Variants in PBK observed in about 807,000 individuals in gnomAD.
The protein encoded by PBK is PDZ binding kinase.
Under a neutral mutation model 33.5 loss-of-function variants are expected in PBK, and 22 were observed. That is an observed-to-expected ratio of 0.66 (90% CI 0.47 to 0.94). The LOEUF (loss-of-function observed/expected upper bound fraction) is 0.94, where lower values mean the gene tolerates loss of function less well. Ranked by LOEUF, PBK falls within the 40% of genes least tolerant of loss-of-function variation. The pLI, the probability that PBK is intolerant of heterozygous loss-of-function variation, is 0.00. For synonymous variants in PBK, 129 were observed against 123.8 expected (o/e 1.04, Z -0.28); for missense variants, 376 against 383.4 (o/e 0.98, Z 0.16).
rs375136320 is a variant in PBK at position 27,835,692 on chromosome 8, T to C, written c.-21+1960A>G. Among the ~76,000 whole-genome samples, 12 of 152,242 alleles carry C rather than the reference T, an allele frequency of 7.9e-5. No homozygotes were observed. In the East Asian group the frequency reaches 1.9e-3, roughly 25 times the overall value. On this transcript the variant is annotated intron_variant, in intron 1 of 7. Coordinates refer to ENST00000301905, the MANE Select transcript of PBK (RefSeq NM_018492.4). ...TCAGCCTCCCAAGTAGCTGGGATTATAGGCATGTGCCACCATGCCCGGCTA... is the reference window on the plus strand; with the variant it reads ...TCAGCCTCCCAAGTAGCTGGGATTACAGGCATGTGCCACCATGCCCGGCTA...
In PBK at chr8:27,816,351, A is replaced by T. The variant is rs548364124; in HGVS notation, c.595+4214T>A. Among the ~76,000 whole-genome samples the T allele has an allele frequency of 3.7e-4, 53 of 141,908 alleles. 3 individuals are homozygous for T. The highest frequency in any genetic ancestry group is 1.4e-3 in the African/African-American group (51 of 37,460). 93.1% of individuals were successfully genotyped at this position (141,908 alleles called of 152,430 possible). ...TGGCTTTTCATCGAATACTATATAT[A>T]TATATATTTATTTATTTATTTATTT... On this transcript the variant is annotated intron_variant, in intron 6 of 7. Transcript: ENST00000301905.
chr8:27,816,137 G>T (rs1805805819), intron 6 of PBK, among the ~76,000 whole-genome samples: 1 of 151,902 alleles, frequency 6.6e-6, no homozygotes, highest in Non-Finnish European at 1.5e-5. Context: ...GGCCACTGCT[G>T]TGTTTATAAT....
In PBK at chr8:27,810,324, G is replaced by T. The variant is rs1805647176; in HGVS notation, c.950C>A (p.Ala317Asp). The T allele has an allele frequency of 6.2e-7, 1 of 1,611,642 alleles. No homozygotes were observed. The highest frequency in any genetic ancestry group is 8.5e-7 in the Non-Finnish European group (1 of 1,177,860). The change falls in exon 8 of 8, where the codon GCT becomes GAT. Residue 317 changes from alanine to aspartate, a missense_variant. Coordinates refer to ENST00000301905, the MANE Select transcript of PBK (RefSeq NM_018492.4). ...DRPSAAHIVE[A>D]LETDV ...TGATCACTAGACATCTGTTTCCAGA[G>T]CTTCAACAATGTGTGCAGCAGAAGG...
chr8:27,831,235 C>T (rs1290584042), intron 2 of PBK, among the ~76,000 whole-genome samples: 2 of 152,018 alleles, frequency 1.3e-5, no homozygotes, highest in Non-Finnish European at 2.9e-5. Flanking sequence ...CGCCTGTAAT[C>T]CCAGCTACTC....
intron 5 of PBK, 29 bp from the exon 6 acceptor site, chr8:27,820,723 G>A (rs748348667): frequency 2.2e-6 from 3 of 1,346,384 alleles, no homozygotes; most frequent in Non-Finnish European, 3.1e-6. Flanking sequence ...TAACACATAT[G>A]TGCAGAAACA....
chr8:27,828,744 C>CAAAAAAAAAAAA (rs34388320), intron 2 of PBK, among the ~76,000 whole-genome samples: 3 of 82,600 alleles, frequency 3.6e-5, no homozygotes, highest in African/African-American at 9.5e-5. Context: ...GACACAGTCT[C>CAAAAAAAAAAAA]AAAAAAAAAA....
chr8:27,832,815 C>T (rs918398848), intron 2 of PBK, among the ~76,000 whole-genome samples: 10 of 152,096 alleles, frequency 6.6e-5, no homozygotes, highest in Admixed American at 3.9e-4. Flanking sequence ...ATGGGTCAAG[C>T]TAAGTTGATT....
chr8:27,809,806 A>G lies in PBK; in HGVS notation c.*499T>C, dbSNP rs1805632985. 6.6e-6 allele frequency: 1 copy of G among 152,550 alleles called. No homozygotes were observed. Among genetic ancestry groups the G allele is most frequent in the South Asian group, 2.1e-4 (1 of 4,854 alleles). The allele number at this position is 152,550 out of a possible 1,614,324, so 9.4% of individuals were successfully genotyped here. A position where few individuals can be genotyped will look rare whatever the true frequency, so the allele number is the denominator to read the frequency against. ...CAAGAGATCAAGACAATCTGTAACC[A>G]GAGTCTGAAGTATCCAAGGAGCTAC... is the stretch of plus-strand genomic sequence containing the variant. On this transcript the variant is annotated 3_prime_UTR_variant, in exon 8 of 8. Coordinates refer to ENST00000301905, the MANE Select transcript of PBK (RefSeq NM_018492.4).
intron 6 of PBK, among the ~76,000 whole-genome samples, chr8:27,815,988 CAA>C (rs563062067): frequency 6.6e-6 from 1 of 152,136 alleles, no homozygotes; most frequent in Non-Finnish European, 1.5e-5. Context: ...TTACTACATT[CAA>C]AGAGTTTAAG....
chr8:27,830,911 C>G (rs967282676), intron 2 of PBK, among the ~76,000 whole-genome samples: 11 of 152,150 alleles, frequency 7.2e-5, no homozygotes. Flanking sequence ...CAAAATAAAT[C>G]TGGAGTGGCT....
chr8:27,834,713 G>A (rs923470817), intron 1 of PBK, among the ~76,000 whole-genome samples: 4 of 152,122 alleles, frequency 2.6e-5, no homozygotes, highest in Admixed American at 2.6e-4. Context: ...GGCCAACATG[G>A]CGAAACCTCG....
Position 27,810,305 on chromosome 8 carries a change from C to T in PBK, c.969G>A (p.Ter323=), listed in dbSNP as rs1805646596. The stretch of plus-strand genomic sequence containing the variant: ...AGCCACACTTCAGCTGAGATGATCA[C>T]TAGACATCTGTTTCCAGAGCTTCAA... The part of the protein sequence containing the change: ...HIVEALETDV[*] Residue 323 remains the stop codon, a stop_retained_variant, in exon 8 of 8, where the codon TAG becomes TAA. Coordinates refer to ENST00000301905, the MANE Select transcript of PBK (RefSeq NM_018492.4). The T allele has an allele frequency of 6.2e-7, 1 of 1,603,386 alleles. No homozygotes were observed. Among genetic ancestry groups the T allele is most frequent in the Admixed American group, 1.7e-5 (1 of 59,812 alleles).
At chr8:27,825,632 C>G (rs1445828892) in intron 3 of PBK, among the ~76,000 whole-genome samples, 1 of 151,930 alleles carries the variant, frequency 6.6e-6, no homozygotes, top group Non-Finnish European at 1.5e-5. Flanking sequence ...TAATTAATCA[C>G]CATATGCATA....
At chr8:27,823,356 A>C in intron 3 of PBK, 151 bp from the exon 4 acceptor site, 1 of 560,516 alleles carries the variant, frequency 1.8e-6, no homozygotes, top group Non-Finnish European at 3.2e-6. Context: ...CCTCTGCTAC[A>C]TTTCCATTTC....
At chr8:27,813,994 T>C (rs1805759737) in intron 6 of PBK, among the ~76,000 whole-genome samples, 1 of 152,174 alleles carries the variant, frequency 6.6e-6, no homozygotes, top group African/African-American at 2.4e-5. Flanking sequence ...AGGCATGCAG[T>C]GTATAATAAT....
At chr8:27,819,024 T>C (rs1805870323) in intron 6 of PBK, among the ~76,000 whole-genome samples, 1 of 152,192 alleles carries the variant, frequency 6.6e-6, no homozygotes, top group African/African-American at 2.4e-5. Context: ...ATTCCTCTAT[T>C]TGGGAACTAT....
intron 5 of PBK, 104 bp from the exon 6 acceptor site, chr8:27,820,798 G>A: frequency 1.7e-6 from 1 of 594,522 alleles, no homozygotes; most frequent in South Asian, 2.7e-5. Context: ...CTAAACTCTA[G>A]GTTTACATTT....
In PBK at chr8:27,824,135, C is replaced by G. The variant is rs2128963949; in HGVS notation, c.153-930G>C. Among the ~76,000 whole-genome samples the G allele has an allele frequency of 2.0e-5, 3 of 152,210 alleles. No homozygotes were observed. The Middle Eastern group carries it at 0.01, about 518-fold the overall frequency. The stretch of plus-strand genomic sequence containing the variant: ...TTCTTAATTCATGTACATCTATCAT[C>G]CGTAAGTTGATCTAAACTATTCTTA... On this transcript the variant is annotated intron_variant, in intron 3 of 7. Transcript: ENST00000301905.
chr8:27,833,910 A>T (rs925513369), intron 1 of PBK, among the ~76,000 whole-genome samples: 3 of 152,252 alleles, frequency 2.0e-5, no homozygotes, highest in Non-Finnish European at 4.4e-5. Context: ...TATCTATACA[A>T]TGGAATATTA....
Sources: gnomAD v4.1 joint callset for allele counts (sites outside exome capture counted in the v4.1 genomes callset) on GRCh38, gnomAD v4.1.1 for gene constraint, MANE v1.5 for transcripts, NCBI Gene and HGNC (gene_info 2026-07-23, HGNC 2026-07-21) for gene names.